The following NBAS variants were observed in gnomAD, a reference collection of about 807,000 sequenced individuals.
The protein encoded by NBAS is NBAS subunit of NRZ tethering complex.
In NBAS, 219 loss-of-function variants were observed where a neutral mutation model predicts 302.5. That is an observed-to-expected ratio of 0.72 (90% CI 0.65 to 0.81). The LOEUF (loss-of-function observed/expected upper bound fraction) is 0.81, where lower values mean the gene tolerates loss of function less well. Ranked by LOEUF, NBAS falls within the 30% of genes least tolerant of loss-of-function variation. The pLI, the probability that NBAS is intolerant of heterozygous loss-of-function variation, is 0.00. For synonymous variants in NBAS, 1,118 were observed against 1,021.6 expected (o/e 1.09, Z -1.80); for missense variants, 2,932 against 2,841.6 (o/e 1.03, Z -0.72).
chr2:15,395,020 T>G (rs1035841608), intron 27 of NBAS, among the ~76,000 whole-genome samples: 1 of 152,104 alleles, frequency 6.6e-6, no homozygotes, highest in African/African-American at 2.4e-5. Flanking sequence ...TAAAGTCGCC[T>G]GGCATTATGT....
chr2:14,826,639 A>C, the NBAS span, among the ~76,000 whole-genome samples: 85,476 of 152,112 alleles, frequency 0.56, 26,133 homozygotes, highest in African/African-American at 0.82. Context: ...TCCAAGCTCA[A>C]CAAACACTGT....
intron 33 of NBAS, among the ~76,000 whole-genome samples, chr2:15,353,912 A>G (rs1467731801): frequency 6.6e-6 from 1 of 152,204 alleles, no homozygotes; most frequent in African/African-American, 2.4e-5. Flanking sequence ...AGAAAGTTCA[A>G]TGCTACTCTA....
intron 40 of NBAS, among the ~76,000 whole-genome samples, chr2:15,303,859 CT>C (rs1416132678): frequency 5.9e-5 from 9 of 152,174 alleles, no homozygotes; most frequent in Non-Finnish European, 1.3e-4. Context: ...AAAGCTGTAA[CT>C]TGTTGTCTGT....
chr2:14,886,073 C>G, the NBAS span, among the ~76,000 whole-genome samples: 17 of 152,082 alleles, frequency 1.1e-4, no homozygotes. Context: ...GATCAGATTC[C>G]TACAATACAA....
the NBAS span, among the ~76,000 whole-genome samples, chr2:14,798,966 G>T: frequency 2.6e-5 from 4 of 151,888 alleles, no homozygotes; most frequent in Non-Finnish European, 4.4e-5. Context: ...GACCAATCTG[G>T]CGAGAAGTTT....
chr2:15,379,487 AGTGT>A, intron 30 of NBAS, 111 bp downstream of exon 30: 1 of 993,090 alleles, frequency 1.0e-6, no homozygotes, highest in East Asian at 2.6e-5. Context: ...TGCCCCATAT[AGTGT>A]AGTCAATCTG....
At chr2:15,009,637 C>CAT in the NBAS span, among the ~76,000 whole-genome samples, 18 of 138,642 alleles carry the variant, frequency 1.3e-4, no homozygotes, top group African/African-American at 4.8e-4. Context: ...CACACACACA[C>CAT]ATATACACAT....
the NBAS span, among the ~76,000 whole-genome samples, chr2:14,891,300 T>A: frequency 1.0e-3 from 157 of 152,302 alleles, no homozygotes; most frequent in East Asian, 0.027. Flanking sequence ...GAGATAAAAA[T>A]TAGACTGTTG....
At chr2:15,205,719 G>T (rs1274809254) in intron 48 of NBAS, among the ~76,000 whole-genome samples, 1 of 152,072 alleles carries the variant, frequency 6.6e-6, no homozygotes, top group Non-Finnish European at 1.5e-5. Context: ...CTTCCCCTTT[G>T]CTGTTCTTGT....
intron 44 of NBAS, among the ~76,000 whole-genome samples, chr2:15,240,446 C>CAAAAAAAAAAAA (rs1175235771): frequency 4.4e-4 from 33 of 75,174 alleles, no homozygotes; most frequent in East Asian, 1.4e-3. Flanking sequence ...ACTAAAAATA[C>CAAAAAAAAAAAA]AAAAAAAAAA....
the NBAS span, among the ~76,000 whole-genome samples, chr2:15,157,391 C>A: frequency 6.6e-6 from 1 of 152,136 alleles, no homozygotes; most frequent in East Asian, 1.9e-4. Context: ...TCTCACCCTC[C>A]AGAGCAGAAG....
At chr2:14,863,450 G>C in the NBAS span, among the ~76,000 whole-genome samples, 2 of 152,190 alleles carry the variant, frequency 1.3e-5, no homozygotes, top group Non-Finnish European at 2.9e-5. Context: ...GAGATCACGA[G>C]ATCCATTGTC....
the NBAS span, among the ~76,000 whole-genome samples, chr2:15,040,116 A>T: frequency 6.6e-6 from 1 of 152,184 alleles, no homozygotes; most frequent in African/African-American, 2.4e-5. Flanking sequence ...GGTCCCCTGG[A>T]GCTTGAAGTA....
intron 21 of NBAS, among the ~76,000 whole-genome samples, chr2:15,447,677 C>T (rs930393388): frequency 7.9e-5 from 12 of 152,146 alleles, no homozygotes; most frequent in African/African-American, 2.9e-4. Context: ...GCAATGCTCA[C>T]TAAGCAATTT....
At chr2:15,267,526 G>A (rs1037593630) in intron 44 of NBAS, among the ~76,000 whole-genome samples, 1 of 152,082 alleles carries the variant, frequency 6.6e-6, no homozygotes, top group Non-Finnish European at 1.5e-5. Flanking sequence ...GGGGGAGAAG[G>A]TTAAAAAAAT....
In NBAS at chr2:15,366,604, G is replaced by A; in HGVS notation, c.3793C>T (p.Leu1265Phe). 2 of 1,614,106 alleles carry A rather than the reference G, an allele frequency of 1.2e-6. No individual in the cohort carries two copies. Among genetic ancestry groups the A allele is most frequent in the Non-Finnish European group, 1.7e-6 (2 of 1,179,978 alleles). The part of the protein sequence containing the change: ...CYKQSTKLLG[L>F]AELLRVAGEN... Reference sequence around the variant, plus strand: ...CCTGCAACCCTCAGCAGCTCAGCAAGGCCCAGAAGCTTGGTGGATTGTTTA... The same window carrying A: ...CCTGCAACCCTCAGCAGCTCAGCAAAGCCCAGAAGCTTGGTGGATTGTTTA... Residue 1265 changes from leucine to phenylalanine, a missense_variant, in exon 32 of 52, where the codon CTT (leucine) becomes TTT (phenylalanine). Transcript: ENST00000281513.
intron 9 of NBAS, among the ~76,000 whole-genome samples, chr2:15,531,878 G>A (rs570884782): frequency 1.3e-5 from 2 of 151,948 alleles, no homozygotes; most frequent in Non-Finnish European, 2.9e-5. Flanking sequence ...ACTAGAACTT[G>A]CCCCCTACTC....
At chr2:15,279,480 T>C (rs1426218234) in intron 42 of NBAS, among the ~76,000 whole-genome samples, 1 of 152,176 alleles carries the variant, frequency 6.6e-6, no homozygotes, top group Admixed American at 6.5e-5. Flanking sequence ...AGTTCTCCTG[T>C]CATACTTCAT....
chr2:15,484,305 G>A (rs901299171), intron 12 of NBAS, among the ~76,000 whole-genome samples: 4 of 152,102 alleles, frequency 2.6e-5, no homozygotes, highest in African/African-American at 7.2e-5. Flanking sequence ...ACTTCTAAAT[G>A]TAAGTACTGT....
Sources: allele counts gnomAD v4.1 joint callset (sites outside exome capture counted in the v4.1 genomes callset), GRCh38; gene constraint gnomAD v4.1.1; transcripts MANE v1.5; gene names NCBI Gene and HGNC (gene_info 2026-07-23, HGNC 2026-07-21).